Variants in BCLAF1 observed in about 807,000 individuals in gnomAD.
BCLAF1 encodes the protein BCL2 associated transcription factor 1, also known as bcl-2-associated transcription factor 1.
In BCLAF1, 10 loss-of-function variants were observed where a neutral mutation model predicts 99.5. The ratio of observed to expected loss-of-function variants is 0.10; its 90% CI spans 0.06 to 0.17. The LOEUF is 0.17. Among genes scored for constraint, BCLAF1 ranks in the 10% least tolerant of loss-of-function variants. The probability of loss-of-function intolerance (pLI) is 1.00; values close to 1 mark genes in which losing one functional copy is unlikely to be tolerated. For missense variants in BCLAF1, 636 were observed against 1,105.8 expected, an observed-to-expected ratio of 0.58 and a Z score of 6.02; for synonymous variants, 255 against 370.9, an observed-to-expected ratio of 0.69 and a Z score of 3.59.
At position 136,261,135 on chromosome 6, in the gene BCLAF1, T is replaced by G; in HGVS notation, c.2758-20A>C. ...TTATTCCTAAAAGAGAGAGAAAAAA[T>G]TAAAGATTAACAAAAGATGCGGAGA... On this transcript the variant is annotated intron_variant, in intron 12 of 12. Transcript: ENST00000531224. 6.3e-7 allele frequency: 1 copy of G among 1,575,096 alleles called. No individual in the cohort carries two copies. Among genetic ancestry groups the G allele is most frequent in the Non-Finnish European group, 8.6e-7 (1 of 1,159,664 alleles).
chr6:136,269,059 G>A (rs1782148370), intron 9 of BCLAF1: 1 of 1,022,084 alleles, frequency 9.8e-7, no homozygotes, highest in Admixed American at 4.8e-5. Context: ...TAAACCACTA[G>A]ATATCAGTTT....
At chr6:136,266,920 C>A in intron 11 of BCLAF1, 109 bp downstream of exon 11, 1 of 1,352,362 alleles carries the variant, frequency 7.4e-7, no homozygotes, top group Non-Finnish European at 1.0e-6. Flanking sequence ...AGGTTTCCCA[C>A]ATAACGGTGA....
rs1271345400 is a variant in BCLAF1 at position 136,280,585 on chromosome 6, A to T, written c.-10-709T>A. Among the ~76,000 whole-genome samples the T allele has an allele frequency of 2.6e-5, 4 of 152,208 alleles. No homozygotes were observed. In the East Asian group the frequency reaches 5.8e-4, roughly 22 times the overall value. Reference sequence around the variant, plus strand: ...AAAGAATTGGAGGGATTACTTCAAGAAAGATTTATTAGAACTACAAGAAAA... The same window carrying T: ...AAAGAATTGGAGGGATTACTTCAAGTAAGATTTATTAGAACTACAAGAAAA... On this transcript the variant is annotated intron_variant, in intron 2 of 12. Transcript: ENST00000531224.
Position 136,267,715 on chromosome 6 carries a change from T to C in BCLAF1, c.2397+447A>G, listed in dbSNP as rs3799399. Among the ~76,000 whole-genome samples the C allele has an allele frequency of 9.9e-5, 15 of 152,108 alleles. No individual in the cohort carries two copies. In the East Asian group the frequency reaches 2.5e-3, roughly 25 times the overall value. ...AAACATGGGGATAATGTATATGCTA[T>C]GTGAAATATTTATATGATTTCTATG... On this transcript the variant is annotated intron_variant, in intron 10 of 12. Transcript: ENST00000531224.
In BCLAF1 at chr6:136,275,518, C is replaced by T. The variant is rs758553953; in HGVS notation, c.1852+14G>A. 2.0e-6 allele frequency: 3 copies of T among 1,511,686 alleles called. No homozygotes were observed. Among genetic ancestry groups the T allele is most frequent in the Non-Finnish European group, 8.8e-7 (1 of 1,134,132 alleles). The allele number at this position is 1,511,686 out of a possible 1,614,324, so 93.6% of individuals were successfully genotyped here. ...GAGAAATTTAATTCACGATACTAAA[C>T]ATACTAAGCATACCTTTAACATGAT... On this transcript the variant is annotated intron_variant, in intron 6 of 12. Coordinates refer to ENST00000531224, the MANE Select transcript of BCLAF1 (RefSeq NM_014739.3).
At chr6:136,287,583 T>G (rs995213454) in intron 1 of BCLAF1, among the ~76,000 whole-genome samples, 1 of 152,222 alleles carries the variant, frequency 6.6e-6, no homozygotes, top group African/African-American at 2.4e-5. Context: ...CACAGCTGAA[T>G]TCAGCTAGTG....
At chr6:136,289,456 T>C (rs1785656695) in intron 1 of BCLAF1, among the ~76,000 whole-genome samples, 1 of 151,964 alleles carries the variant, frequency 6.6e-6, no homozygotes, top group South Asian at 2.1e-4. Context: ...CCGCGCGGGC[T>C]GTGGGTCTCC....
rs528460657 is a variant in BCLAF1 at position 136,287,902 on chromosome 6, T to C, written c.-115+1811A>G. 9.9e-5 allele frequency among the ~76,000 whole-genome samples: 15 copies of C among 152,232 alleles called. No homozygotes were observed. In the East Asian group the frequency reaches 2.7e-3, roughly 27 times the overall value. On this transcript the variant is annotated intron_variant, in intron 1 of 12. Coordinates refer to ENST00000531224, the MANE Select transcript of BCLAF1 (RefSeq NM_014739.3). ...CCGGTGTGGTGGCGGGCGCCTGTAG[T>C]CCCAGCTACTCGGGAGGCTGAGGCA...
chr6:136,264,770 A>C (rs1781486674), intron 11 of BCLAF1, among the ~76,000 whole-genome samples: 2 of 152,330 alleles, frequency 1.3e-5, no homozygotes, highest in East Asian at 3.9e-4. Context: ...ATTTATAAGG[A>C]AAAAGTGTGT....
chr6:136,259,537 C>T lies in BCLAF1; in HGVS notation c.*1573G>A, dbSNP rs1216045375. On this transcript the variant is annotated 3_prime_UTR_variant, in exon 13 of 13. Transcript: ENST00000531224. Reference sequence around the variant, plus strand: ...CTTCCTTTGGCAGGTATTTCCTCTGCTTTAATAGACAATTTTAGAAAGACA... The same window carrying T: ...CTTCCTTTGGCAGGTATTTCCTCTGTTTTAATAGACAATTTTAGAAAGACA... 1.3e-5 allele frequency: 2 copies of T among 152,024 alleles called. No individual in the cohort carries two copies. Among genetic ancestry groups the T allele is most frequent in the Non-Finnish European group, 2.9e-5 (2 of 67,900 alleles). The allele number at this position is 152,024 out of a possible 1,614,324, so 9.4% of individuals were successfully genotyped here. A position where few individuals can be genotyped will look rare whatever the true frequency, so the allele number is the denominator to read the frequency against.
Position 136,275,716 on chromosome 6 carries a change from T to C in BCLAF1, c.1683-15A>G. The stretch of plus-strand genomic sequence containing the variant: ...AGGAAGCAGGTCTGGAACATATTGA[T>C]AACACACACACACACAAAATATACC... On this transcript the variant is annotated splice_polypyrimidine_tract_variant and intron_variant, in intron 5 of 12. Coordinates refer to ENST00000531224, the MANE Select transcript of BCLAF1 (RefSeq NM_014739.3). 1 of 1,575,596 alleles carries C rather than the reference T, an allele frequency of 6.3e-7. No homozygotes were observed. Among genetic ancestry groups the C allele is most frequent in the South Asian group, 1.2e-5 (1 of 83,766 alleles).
chr6:136,269,576 G>T lies in BCLAF1; in HGVS notation c.2080C>A (p.Arg694=), dbSNP rs777824627. Reference sequence around the variant, plus strand: ...TTTCTACGGCGATCAATGTCATGCCGAAGGTCAGCAGAGTCACACCTTAAT... The same window carrying T: ...TTTCTACGGCGATCAATGTCATGCCTAAGGTCAGCAGAGTCACACCTTAAT... ...KKLRCDSADL[R]HDIDRRRKER... The change falls in exon 9 of 13, where the codon CGG becomes AGG. Residue 694 remains arginine (R), a synonymous_variant. Transcript: ENST00000531224. The T allele has an allele frequency of 1.2e-6, 2 of 1,610,364 alleles. No individual in the cohort carries two copies. The highest frequency in any genetic ancestry group is 1.7e-6 in the Non-Finnish European group (2 of 1,178,418).
chr6:136,275,450 T>C (rs972248982), intron 6 of BCLAF1, 82 bp downstream of exon 6: 33 of 1,314,268 alleles, frequency 2.5e-5, no homozygotes, highest in Non-Finnish European at 1.8e-5. Context: ...CTGGGGTACA[T>C]GAATTATTAA....
At chr6:136,266,943 T>C (rs1254706069) in intron 11 of BCLAF1, 86 bp downstream of exon 11, 16 of 1,450,810 alleles carry the variant, frequency 1.1e-5, no homozygotes, top group African/African-American at 1.4e-5. Flanking sequence ...CTTCTTATAG[T>C]AGTGGTTATC....
intron 1 of BCLAF1, among the ~76,000 whole-genome samples, chr6:136,284,085 A>G (rs1784741973): frequency 6.8e-6 from 1 of 147,062 alleles, no homozygotes; most frequent in Non-Finnish European, 1.5e-5. Flanking sequence ...ACAATTCCAA[A>G]AGGCTAATTT....
intron 11 of BCLAF1, among the ~76,000 whole-genome samples, chr6:136,266,130 CA>C (rs1357358207): frequency 6.6e-6 from 1 of 151,748 alleles, no homozygotes; most frequent in Non-Finnish European, 1.5e-5. Context: ...TTTTTCCAGA[CA>C]AAATAGAGAT....
In BCLAF1 at chr6:136,276,208, C is replaced by T; in HGVS notation, c.1317G>A (p.Lys439=). 1.9e-6 allele frequency: 3 copies of T among 1,609,130 alleles called. No homozygotes were observed. Among genetic ancestry groups the T allele is most frequent in the Non-Finnish European group, 2.5e-6 (3 of 1,178,610 alleles). The change falls in exon 5 of 13, where the codon AAG becomes AAA. Residue 439 remains lysine, a synonymous_variant. Transcript: ENST00000531224. ...TATTGCCTTTCAGTGAAACTTTGGA[C>T]TTGTACTTGAGTCCTTCCTCCTCAG... ...RNTEEEGLKY[K]SKVSLKGNRE... is the part of the protein sequence containing the mutation.
intron 11 of BCLAF1, among the ~76,000 whole-genome samples, chr6:136,265,109 T>C (rs1385128184): frequency 6.6e-6 from 1 of 152,160 alleles, no homozygotes; most frequent in Non-Finnish European, 1.5e-5. Flanking sequence ...CCTCTTAACC[T>C]TCTGACCTAT....
At chr6:136,287,155 A>T (rs962291929) in intron 1 of BCLAF1, among the ~76,000 whole-genome samples, 3 of 150,594 alleles carry the variant, frequency 2.0e-5, no homozygotes, top group Non-Finnish European at 1.5e-5. Context: ...AAAAAAAAAA[A>T]ATTAGCAGGA....
Sources: gnomAD v4.1 joint callset for allele counts (sites outside exome capture counted in the v4.1 genomes callset) on GRCh38, gnomAD v4.1.1 for gene constraint, MANE v1.5 for transcripts, NCBI Gene and HGNC (gene_info 2026-07-23, HGNC 2026-07-21) for gene names.